The following CBL variants were observed in gnomAD, a reference collection of about 807,000 sequenced individuals.
CBL encodes Cbl proto-oncogene, also known as E3 ubiquitin-protein ligase CBL.
CBL carries 45 observed loss-of-function variants against 96.9 expected under a neutral mutation model. That is an observed-to-expected ratio of 0.46 (90% CI 0.37 to 0.60). CBL has a LOEUF of 0.60. Ranked by LOEUF, CBL falls within the 20% of genes least tolerant of loss-of-function variation. CBL has a pLI of 0.00. For synonymous variants in CBL, 420 were observed against 426.8 expected, an observed-to-expected ratio of 0.98 and a Z score of 0.20; for missense variants, 1,024 against 1,143.5, an observed-to-expected ratio of 0.90 and a Z score of 1.51.
At chr11:119,212,923 A>G (rs1341835316) in intron 1 of CBL, among the ~76,000 whole-genome samples, 2 of 151,440 alleles carry the variant, frequency 1.3e-5, no homozygotes. Context: ...CAGTGAGCCA[A>G]GATCATGCTA....
chr11:119,253,450 CA>C (rs66912490), intron 2 of CBL, among the ~76,000 whole-genome samples: 72,217 of 84,988 alleles, frequency 0.85, 30,184 homozygotes, highest in East Asian at 0.97. Flanking sequence ...GACCTCATCT[CA>C]AAAAAAAAAA....
intron 2 of CBL, among the ~76,000 whole-genome samples, chr11:119,264,563 C>G (rs555868207): frequency 6.6e-6 from 1 of 151,608 alleles, no homozygotes; most frequent in Non-Finnish European, 1.5e-5. Flanking sequence ...GCTGACTGTA[C>G]CTCCACCTCC....
In CBL at chr11:119,271,807, A is replaced by G. The variant is rs765968487; in HGVS notation, c.516A>G (p.Gly172=). 25 of 1,613,760 alleles carry G rather than the reference A, an allele frequency of 1.5e-5. No homozygotes were observed. The African/African-American group carries it at 2.3e-4, about 15-fold the overall frequency. ...AACTAAAAGGAATCTTTCCAAGTGG[A>G]CTCTTTCAGGGAGACACATTTCGGA... ...LAELKGIFPS[G]LFQGDTFRIT... Residue 172 remains glycine (G), a synonymous_variant, in exon 3 of 16, where the codon GGA becomes GGG. Coordinates refer to ENST00000264033, the MANE Select transcript of CBL (RefSeq NM_005188.4).
chr11:119,223,814 A>G (rs1196011270), intron 1 of CBL, among the ~76,000 whole-genome samples: 1 of 151,862 alleles, frequency 6.6e-6, no homozygotes, highest in African/African-American at 2.4e-5. Flanking sequence ...TTTTGTAGAG[A>G]TGGGGTTTCA....
At chr11:119,231,732 C>G (rs1438596776) in intron 1 of CBL, among the ~76,000 whole-genome samples, 1 of 151,854 alleles carries the variant, frequency 6.6e-6, no homozygotes, top group Non-Finnish European at 1.5e-5. Flanking sequence ...ACAAACAAAG[C>G]TCAAGACCCT....
chr11:119,226,207 A>G (rs569269848), intron 1 of CBL, among the ~76,000 whole-genome samples: 3 of 152,308 alleles, frequency 2.0e-5, no homozygotes, highest in African/African-American at 7.2e-5. Flanking sequence ...TTATGGGCCC[A>G]AATGATAGGA....
intron 12 of CBL, among the ~76,000 whole-genome samples, chr11:119,296,394 G>A (rs773489243): frequency 6.6e-6 from 1 of 152,160 alleles, no homozygotes; most frequent in Non-Finnish European, 1.5e-5. Context: ...CCAGATCCTT[G>A]ATGTGGGAGT....
intron 12 of CBL, 41 bp downstream of exon 12, chr11:119,287,987 A>C: frequency 7.2e-7 from 1 of 1,381,988 alleles, no homozygotes. Flanking sequence ...TGGAGTTGTT[A>C]CTTGTAAAAA....
intron 11 of CBL, among the ~76,000 whole-genome samples, chr11:119,286,285 G>A (rs905045889): frequency 6.6e-6 from 1 of 152,050 alleles, no homozygotes; most frequent in African/African-American, 2.4e-5. Flanking sequence ...GGCAACAAGA[G>A]TGAAACTTTG....
At chr11:119,207,293 T>C (rs894362250) in intron 1 of CBL, among the ~76,000 whole-genome samples, 3 of 152,220 alleles carry the variant, frequency 2.0e-5, no homozygotes, top group Non-Finnish European at 4.4e-5. Flanking sequence ...TGCTGAGATA[T>C]GCACTGATTA....
chr11:119,218,924 T>C (rs1468975858), intron 1 of CBL, among the ~76,000 whole-genome samples: 1 of 152,158 alleles, frequency 6.6e-6, no homozygotes, highest in Non-Finnish European at 1.5e-5. Context: ...ACTCATGAAA[T>C]TCTGAAGAAA....
At chr11:119,258,043 A>G (rs1949723883) in intron 2 of CBL, among the ~76,000 whole-genome samples, 1 of 152,076 alleles carries the variant, frequency 6.6e-6, no homozygotes, top group Non-Finnish European at 1.5e-5. Context: ...CCTGGCCAAA[A>G]TGGTGAAACC....
At chr11:119,269,983 C>T (rs1007570350) in intron 2 of CBL, among the ~76,000 whole-genome samples, 6 of 150,108 alleles carry the variant, frequency 4.0e-5, no homozygotes, top group African/African-American at 7.3e-5. Flanking sequence ...GGCGACAGAG[C>T]GAGACTCCGT....
intron 2 of CBL, among the ~76,000 whole-genome samples, chr11:119,249,036 G>A (rs2135278395): frequency 6.6e-6 from 1 of 152,300 alleles, no homozygotes; most frequent in African/African-American, 2.4e-5. Context: ...CAGTTTGGCA[G>A]TTCTTTAGAA....
At chr11:119,215,307 C>G (rs1301593635) in intron 1 of CBL, among the ~76,000 whole-genome samples, 2 of 152,060 alleles carry the variant, frequency 1.3e-5, no homozygotes, top group African/African-American at 4.8e-5. Flanking sequence ...TCGTCTTCAG[C>G]AGAGTTCAAT....
At chr11:119,276,256 A>G in intron 6 of CBL, 122 bp downstream of exon 6, 3 of 1,034,262 alleles carry the variant, frequency 2.9e-6, no homozygotes, top group Non-Finnish European at 4.5e-6. Flanking sequence ...AAATATTAAC[A>G]GATGATATTG....
rs959909697 is a variant in CBL, at chr11:119,302,647, G to T, written c.*2866G>T. 6 of 231,256 alleles carry T rather than the reference G, an allele frequency of 2.6e-5. No homozygotes were observed. The highest frequency in any genetic ancestry group is 1.3e-4 in the African/African-American group (6 of 45,226). 14.3% of individuals were successfully genotyped at this position (231,256 alleles called of 1,614,324 possible). A position where few individuals can be genotyped will look rare whatever the true frequency, so the allele number is the denominator to read the frequency against. On this transcript the variant is annotated 3_prime_UTR_variant, in exon 16 of 16. Coordinates refer to ENST00000264033, the MANE Select transcript of CBL (RefSeq NM_005188.4). ...CACGGATTGCTTTCCAAGCTGCCTTGTTGCGGGGTTGCTGCAGAGCAGCAA... is the reference window on the plus strand; with the variant it reads ...CACGGATTGCTTTCCAAGCTGCCTTTTTGCGGGGTTGCTGCAGAGCAGCAA...
intron 2 of CBL, among the ~76,000 whole-genome samples, chr11:119,267,323 T>G (rs1179926474): frequency 1.3e-5 from 2 of 152,216 alleles, no homozygotes; most frequent in African/African-American, 2.4e-5. Flanking sequence ...ATTACATCTT[T>G]GTGGTCAATA....
intron 2 of CBL, among the ~76,000 whole-genome samples, chr11:119,233,350 C>T (rs1949519336): frequency 1.3e-5 from 2 of 152,102 alleles, no homozygotes; most frequent in East Asian, 1.9e-4. Flanking sequence ...TCTCCTGTCT[C>T]AGCCTCCTGA....
Sources: gnomAD v4.1 joint callset for allele counts (sites outside exome capture counted in the v4.1 genomes callset) on GRCh38, gnomAD v4.1.1 for gene constraint, MANE v1.5 for transcripts, NCBI Gene and HGNC (gene_info 2026-07-23, HGNC 2026-07-21) for gene names.